The following CYB5B variants were observed in gnomAD, a reference collection of about 807,000 sequenced individuals.
CYB5B encodes cytochrome b5 type B.
CYB5B carries 14 observed loss-of-function variants against 21.3 expected under a neutral mutation model. The observed-to-expected ratio is 0.66, with a 90% CI of 0.43 to 1.03. CYB5B has a LOEUF of 1.03. Among genes scored for constraint, CYB5B ranks in the 50% least tolerant of loss-of-function variants. CYB5B has a pLI of 0.00. For missense variants in CYB5B, 166 were observed against 185.1 expected, an observed-to-expected ratio of 0.90 and a Z score of 0.60; for synonymous variants, 69 against 68.4, an observed-to-expected ratio of 1.01 and a Z score of -0.04.
rs2014894908 is a variant in CYB5B at position 69,448,045 on chromosome 16, G to T, written c.304-70G>T. On this transcript the variant is annotated intron_variant, in intron 2 of 4. Transcript: ENST00000307892. ...AATATAGTCTCATGTTCCAAAGTTA[G>T]AAACAAGCATATAGTGAGAATTCAT... 3.9e-5 allele frequency: 59 copies of T among 1,518,486 alleles called. No homozygotes were observed. In the South Asian group the frequency reaches 5.8e-4, roughly 15 times the overall value. 94.1% of individuals were successfully genotyped at this position (1,518,486 alleles called of 1,614,324 possible).
intron 3 of CYB5B, among the ~76,000 whole-genome samples, chr16:69,450,758 C>G (rs1303138894): frequency 6.6e-6 from 1 of 152,138 alleles, no homozygotes; most frequent in Non-Finnish European, 1.5e-5. Flanking sequence ...GTTTCTGAAT[C>G]TTTATGAAGA....
At chr16:69,446,908 T>A (rs1047927328) in intron 1 of CYB5B, among the ~76,000 whole-genome samples, 2 of 152,226 alleles carry the variant, frequency 1.3e-5, no homozygotes, top group African/African-American at 4.8e-5. Flanking sequence ...TTTTGTAGAA[T>A]ATTTCTAAAT....
intron 2 of CYB5B, among the ~76,000 whole-genome samples, chr16:69,447,551 G>A (rs772489435): frequency 6.7e-6 from 1 of 150,058 alleles, no homozygotes; most frequent in Non-Finnish European, 1.5e-5. Context: ...GCTGAGGCAC[G>A]AGAACTGCCT....
At chr16:69,429,222 A>G (rs781421634) in intron 1 of CYB5B, among the ~76,000 whole-genome samples, 23 of 152,150 alleles carry the variant, frequency 1.5e-4, no homozygotes, top group Non-Finnish European at 2.5e-4. Flanking sequence ...CACAGACCCA[A>G]AGAGTGAGTA....
At chr16:69,462,154 C>G (rs1379163798) in intron 4 of CYB5B, among the ~76,000 whole-genome samples, 1 of 152,074 alleles carries the variant, frequency 6.6e-6, no homozygotes, top group Non-Finnish European at 1.5e-5. Context: ...TCAGAAATAA[C>G]CACTATATGA....
At chr16:69,443,060 C>T (rs575780022) in intron 1 of CYB5B, among the ~76,000 whole-genome samples, 23 of 151,906 alleles carry the variant, frequency 1.5e-4, no homozygotes, top group African/African-American at 3.6e-4. Flanking sequence ...GTGGTTTTCC[C>T]GAATAGTTGG....
intron 1 of CYB5B, among the ~76,000 whole-genome samples, chr16:69,442,620 A>G (rs1283785285): frequency 6.6e-6 from 1 of 151,418 alleles, no homozygotes; most frequent in Non-Finnish European, 1.5e-5. Context: ...CTTCTGGATG[A>G]TCCTCCTAAT....
chr16:69,451,886 T>G (rs1597285493), intron 3 of CYB5B, among the ~76,000 whole-genome samples: 1 of 138,180 alleles, frequency 7.2e-6, no homozygotes, highest in South Asian at 2.2e-4. Flanking sequence ...GAGCTTGCAG[T>G]GAGCAGAGAT....
chr16:69,426,747 A>ATT lies in CYB5B; in HGVS notation c.174+1901_174+1902dup, dbSNP rs71384002. 6.6e-4 allele frequency among the ~76,000 whole-genome samples: 93 copies of ATT among 140,212 alleles called. No individual in the cohort carries two copies. The Middle Eastern group carries it at 0.011, about 17-fold the overall frequency. 92.0% of individuals were successfully genotyped at this position (140,212 alleles called of 152,430 possible). On this transcript the variant is annotated intron_variant, in intron 1 of 4. Transcript: ENST00000307892. ...GTGGAGGGTGACTTGGATAGTAGTG[A>ATT]TTTTTTTTTTTTAACAGAGGTACAA...
At chr16:69,443,310 A>G (rs2014844337) in intron 1 of CYB5B, 1 of 154,354 alleles carries the variant, frequency 6.5e-6, no homozygotes, top group Admixed American at 6.5e-5. Context: ...TCTGGTGTCC[A>G]CTGGTGACCC....
intron 3 of CYB5B, among the ~76,000 whole-genome samples, chr16:69,450,394 T>C (rs1325035581): frequency 6.6e-6 from 1 of 152,208 alleles, no homozygotes; most frequent in Non-Finnish European, 1.5e-5. Context: ...TTTTCAATCC[T>C]GTTTTCCTCA....
chr16:69,456,202 C>G (rs1288180450), intron 3 of CYB5B, among the ~76,000 whole-genome samples: 2 of 152,048 alleles, frequency 1.3e-5, no homozygotes, highest in Non-Finnish European at 2.9e-5. Context: ...TACAGTGGCA[C>G]AATCCTAGCT....
chr16:69,427,769 G>T lies in CYB5B; in HGVS notation c.174+2912G>T, dbSNP rs528088721. Among the ~76,000 whole-genome samples, 4 of 152,062 alleles carry T rather than the reference G, an allele frequency of 2.6e-5. No homozygotes were observed. In the East Asian group the frequency reaches 7.8e-4, roughly 30 times the overall value. ...CCAGCACTTTGCGAGGCGAAGGTGG[G>T]CAGATCATGAGGTAAGGAGTTCCAG... is the stretch of plus-strand genomic sequence containing the variant. On this transcript the variant is annotated intron_variant, in intron 1 of 4. Transcript: ENST00000307892.
Position 69,447,388 on chromosome 16 carries a change from T to G in CYB5B, c.303+110T>G. 3 of 1,421,668 alleles carry G rather than the reference T, an allele frequency of 2.1e-6. No homozygotes were observed. In the South Asian group the frequency reaches 4.4e-5, roughly 21 times the overall value. 88.1% of individuals were successfully genotyped at this position (1,421,668 alleles called of 1,614,324 possible). On this transcript the variant is annotated intron_variant, in intron 2 of 4. Transcript: ENST00000307892. ...TGGGCGTGGTGGCTCACACCTGTCA[T>G]CCCAGTACTTTGGGATGCCAAGGCA...
At position 69,465,446 on chromosome 16, in the gene CYB5B, T is replaced by G. The variant is rs1331257030; in HGVS notation, c.*2926T>G. 1 of 152,074 alleles carries G rather than the reference T, an allele frequency of 6.6e-6. No homozygotes were observed. Among genetic ancestry groups the G allele is most frequent in the Non-Finnish European group, 1.5e-5 (1 of 68,010 alleles). The allele number at this position is 152,074 out of a possible 1,614,324, so 9.4% of individuals were successfully genotyped here. A position where few individuals can be genotyped will look rare whatever the true frequency, so the allele number is the denominator to read the frequency against. ...TTCTGCATTTGTAAAGATAACAGAG[T>G]GGTGGGGTCAAAGTTTATCTTGTGT... is the stretch of plus-strand genomic sequence containing the variant. On this transcript the variant is annotated 3_prime_UTR_variant, in exon 5 of 5. Coordinates refer to ENST00000307892, the MANE Select transcript of CYB5B (RefSeq NM_030579.3).
chr16:69,428,668 A>G (rs1046493529), intron 1 of CYB5B, among the ~76,000 whole-genome samples: 1 of 152,200 alleles, frequency 6.6e-6, no homozygotes, highest in Non-Finnish European at 1.5e-5. Flanking sequence ...TGAAAAAAAA[A>G]AGAAAAATAA....
At chr16:69,437,259 A>T (rs749501646) in intron 1 of CYB5B, among the ~76,000 whole-genome samples, 7 of 151,154 alleles carry the variant, frequency 4.6e-5, no homozygotes, top group Non-Finnish European at 1.0e-4. Flanking sequence ...AACTGCGTAC[A>T]TAATATTAAT....
Position 69,462,689 on chromosome 16 carries a change from A to C in CYB5B, c.*169A>C. ...CTCAGATCTGAGACCAGCGTCTTCC[A>C]TCTCTCAGAGCCTTACTCCCAAAGT... On this transcript the variant is annotated 3_prime_UTR_variant, in exon 5 of 5. Transcript: ENST00000307892. 1 of 606,772 alleles carries C rather than the reference A, an allele frequency of 1.6e-6. No individual in the cohort carries two copies. Among genetic ancestry groups the C allele is most frequent in the South Asian group, 1.8e-5 (1 of 54,394 alleles). 37.6% of individuals were successfully genotyped at this position (606,772 alleles called of 1,614,324 possible).
chr16:69,455,985 C>T (rs940999697), intron 3 of CYB5B, among the ~76,000 whole-genome samples: 1 of 152,038 alleles, frequency 6.6e-6, no homozygotes, highest in East Asian at 1.9e-4. Flanking sequence ...CTGAGCTTTT[C>T]GTTTTACAAA....
Sources: gnomAD v4.1 joint callset for allele counts (sites outside exome capture counted in the v4.1 genomes callset) on GRCh38, gnomAD v4.1.1 for gene constraint, MANE v1.5 for transcripts, NCBI Gene and HGNC (gene_info 2026-07-23, HGNC 2026-07-21) for gene names.